Variants in ME3 observed in about 807,000 individuals in gnomAD.
ME3 encodes NADP-dependent malic enzyme, mitochondrial.
In ME3, 48 loss-of-function variants were observed where a neutral mutation model predicts 68.9. The observed-to-expected ratio is 0.70, with a 90% confidence interval of 0.55 to 0.89. The LOEUF is 0.89. Ranked by LOEUF, ME3 falls within the 40% of genes least tolerant of loss-of-function variation. The pLI is 0.00. For missense variants in ME3, 675 were observed against 797.4 expected (o/e 0.85, Z 1.85); for synonymous variants, 320 against 318.8 (o/e 1.00, Z -0.04).
At chr11:86,515,916 G>C (rs2125358) in intron 4 of ME3, among the ~76,000 whole-genome samples, 50,630 of 152,086 alleles carry the variant, frequency 0.33, 8,760 homozygotes, top group South Asian at 0.42. Flanking sequence ...GCTCTGCAGA[G>C]GTGCAGAAAC....
intron 2 of ME3, among the ~76,000 whole-genome samples, chr11:86,588,007 C>G (rs1475688996): frequency 6.6e-6 from 1 of 152,148 alleles, no homozygotes; most frequent in Non-Finnish European, 1.5e-5. Context: ...GTAAAATGGG[C>G]TAATAATACT....
chr11:86,663,779 G>A (rs1223552795), intron 2 of ME3, among the ~76,000 whole-genome samples: 2 of 152,170 alleles, frequency 1.3e-5, no homozygotes, highest in East Asian at 1.9e-4. Context: ...GGTCCACAAA[G>A]GCCAACATAA....
At chr11:86,636,097 T>C (rs1356111094) in intron 2 of ME3, among the ~76,000 whole-genome samples, 1 of 152,170 alleles carries the variant, frequency 6.6e-6, no homozygotes, top group Non-Finnish European at 1.5e-5. Flanking sequence ...CTGGGTGCTA[T>C]GGAAGCCTGA....
chr11:86,595,304 T>TAGAGAGAGAGAG (rs142071666), intron 2 of ME3, among the ~76,000 whole-genome samples: 1 of 94,602 alleles, frequency 1.1e-5, no homozygotes, highest in Non-Finnish European at 2.1e-5. Context: ...TATATATATA[T>TAGAGAGAGAGAG]ATAGAGAGAG....
At chr11:86,606,120 A>G (rs983509673) in intron 2 of ME3, among the ~76,000 whole-genome samples, 3 of 152,192 alleles carry the variant, frequency 2.0e-5, no homozygotes, top group Admixed American at 6.5e-5. Flanking sequence ...ACTTGAGAAT[A>G]ACAACAATAT....
intron 2 of ME3, among the ~76,000 whole-genome samples, chr11:86,641,537 T>A (rs982931454): frequency 6.6e-6 from 1 of 152,220 alleles, no homozygotes; most frequent in Non-Finnish European, 1.5e-5. Flanking sequence ...GACCCCATTA[T>A]AAAAATTTGT....
intron 6 of ME3, among the ~76,000 whole-genome samples, chr11:86,488,741 G>A (rs1030729272): frequency 6.6e-6 from 1 of 152,216 alleles, no homozygotes; most frequent in Non-Finnish European, 1.5e-5. Context: ...TGCTGACACT[G>A]GGCCCAGTGG....
intron 2 of ME3, among the ~76,000 whole-genome samples, chr11:86,652,209 G>T (rs923687154): frequency 2.4e-4 from 36 of 152,096 alleles, no homozygotes; most frequent in African/African-American, 8.5e-4. Context: ...ATCTAGCAAG[G>T]CAGGCCAACA....
At chr11:86,560,746 GTGTATATATA>G (rs1565953871) in intron 2 of ME3, among the ~76,000 whole-genome samples, 2 of 90,256 alleles carry the variant, frequency 2.2e-5, no homozygotes, top group Non-Finnish European at 2.1e-5. Flanking sequence ...GTGTGTGTGT[GTGTATATATA>G]TATATATATA....
rs139092998 is a variant in ME3, at chr11:86,510,420, C to T, written c.468-1553G>A. ...GTCTCTTATGTTGGGTAAGTCATCC[C>T]GCCATTATGCATTAAAGTTCCTCAA... is the stretch of plus-strand genomic sequence containing the variant. On this transcript the variant is annotated intron_variant, in intron 4 of 14. Coordinates refer to ENST00000543262, the Ensembl canonical transcript of ME3. 7.1e-3 allele frequency among the ~76,000 whole-genome samples: 1,078 copies of T among 152,262 alleles called. 12 individuals carry two copies. The highest frequency in any genetic ancestry group is 0.025 in the African/African-American group (1,021 of 41,534).
chr11:86,482,013 A>G (rs75016190), intron 7 of ME3, among the ~76,000 whole-genome samples: 259 of 152,296 alleles, frequency 1.7e-3, no homozygotes, highest in African/African-American at 5.9e-3. Flanking sequence ...TACCAACAAT[A>G]TCCTAGTCTA....
intron 2 of ME3, among the ~76,000 whole-genome samples, chr11:86,583,688 C>T (rs1958571622): frequency 6.6e-6 from 1 of 151,964 alleles, no homozygotes; most frequent in Non-Finnish European, 1.5e-5. Context: ...AAGAGACTTC[C>T]CTGAGGAAGC....
chr11:86,515,020 A>G (rs1046454765), intron 4 of ME3, among the ~76,000 whole-genome samples: 6 of 152,250 alleles, frequency 3.9e-5, no homozygotes, highest in Non-Finnish European at 5.9e-5. Context: ...CATGTTTGTC[A>G]GGAGCCATGA....
intron 2 of ME3, among the ~76,000 whole-genome samples, chr11:86,641,875 C>A (rs959795147): frequency 6.6e-6 from 1 of 151,908 alleles, no homozygotes; most frequent in African/African-American, 2.4e-5. Context: ...AACTTCACCT[C>A]TTTTTTTAAA....
chr11:86,521,976 A>C (rs1954347124), intron 4 of ME3, among the ~76,000 whole-genome samples: 2 of 152,206 alleles, frequency 1.3e-5, no homozygotes, highest in South Asian at 4.1e-4. Context: ...AAGGCCGGGC[A>C]TGGTGACTCA....
intron 2 of ME3, among the ~76,000 whole-genome samples, chr11:86,637,346 G>GCA (rs1491144842): frequency 4.0e-5 from 2 of 50,120 alleles, no homozygotes; most frequent in Non-Finnish European, 4.3e-5. Context: ...ACAACAAGAA[G>GCA]CACAAAAAAA....
At chr11:86,470,397 T>G (rs1021569985) in intron 7 of ME3, among the ~76,000 whole-genome samples, 2 of 152,036 alleles carry the variant, frequency 1.3e-5, no homozygotes, top group Non-Finnish European at 2.9e-5. Flanking sequence ...TTTTATTTCC[T>G]TCCAGGAACT....
intron 2 of ME3, among the ~76,000 whole-genome samples, chr11:86,649,805 A>G (rs1385716963): frequency 1.1e-4 from 16 of 152,258 alleles, no homozygotes; most frequent in Admixed American, 1.0e-3. Context: ...TAAGGAAATC[A>G]GAGAGGACAC....
At chr11:86,588,107 G>A (rs1958844671) in intron 2 of ME3, among the ~76,000 whole-genome samples, 1 of 152,218 alleles carries the variant, frequency 6.6e-6, no homozygotes, top group Non-Finnish European at 1.5e-5. Context: ...GCCAGGCATT[G>A]TACTAGGAGC....
Sources: gnomAD v4.1 joint callset for allele counts (sites outside exome capture counted in the v4.1 genomes callset) on GRCh38, gnomAD v4.1.1 for gene constraint, MANE v1.5 for transcripts, NCBI Gene and HGNC (gene_info 2026-07-23, HGNC 2026-07-21) for gene names.